LARP1: variants seen among roughly 807,000 people sequenced by gnomAD.
LARP1 encodes the protein La ribonucleoprotein 1, translational regulator.
LARP1 carries 36 observed loss-of-function variants against 122.7 expected under a neutral mutation model. The ratio of observed to expected loss-of-function variants is 0.29; its 90% CI spans 0.22 to 0.39. LARP1 has a LOEUF of 0.39. Ranked by LOEUF, LARP1 falls within the 10% of genes least tolerant of loss-of-function variation. LARP1 has a pLI of 1.00. For synonymous variants in LARP1, 539 were observed against 528.7 expected (o/e 1.02, Z -0.27); for missense variants, 1,040 against 1,403.6 (o/e 0.74, Z 4.14).
At chr5:154,712,384 C>T (rs954068605), upstream of LARP1, among the ~76,000 whole-genome samples, 1 of 152,094 alleles carries the variant, frequency 6.6e-6, no homozygotes, top group Admixed American at 6.6e-5. Flanking sequence ...GCAGGAGACT[C>T]GGGTTTGGAT....
upstream of LARP1, among the ~76,000 whole-genome samples, chr5:154,709,027 T>G (rs1274733218): frequency 6.6e-6 from 1 of 152,256 alleles, no homozygotes; most frequent in Non-Finnish European, 1.5e-5. Flanking sequence ...CCACGGTGAC[T>G]CATTAATCCT....
intron 1 of LARP1, among the ~76,000 whole-genome samples, chr5:154,727,407 G>T (rs971545173): frequency 1.3e-5 from 2 of 152,116 alleles, no homozygotes; most frequent in African/African-American, 2.4e-5. Context: ...ACAAGGGAAC[G>T]ATATGTTTAA....
At chr5:154,723,765 T>C (rs540033382) in intron 1 of LARP1, among the ~76,000 whole-genome samples, 1 of 152,308 alleles carries the variant, frequency 6.6e-6, no homozygotes, top group African/African-American at 2.4e-5. Flanking sequence ...TATGCCAGAA[T>C]TGAAACCCAG....
At chr5:154,720,981 C>T (rs1434326447) in intron 1 of LARP1, among the ~76,000 whole-genome samples, 1 of 151,842 alleles carries the variant, frequency 6.6e-6, no homozygotes, top group Non-Finnish European at 1.5e-5. Flanking sequence ...TCTGCTTCAG[C>T]TTGAGAAGGT....
At chr5:154,693,792 C>G (rs973702813) in intron 1 of LARP1, among the ~76,000 whole-genome samples, 3 of 150,690 alleles carry the variant, frequency 2.0e-5, no homozygotes, top group Non-Finnish European at 4.4e-5. Flanking sequence ...AGAGGCGGAG[C>G]TTGCAGTGAG....
chr5:154,704,157 A>G (rs941253111), intron 1 of LARP1, among the ~76,000 whole-genome samples: 14 of 152,332 alleles, frequency 9.2e-5, no homozygotes, highest in African/African-American at 3.4e-4. Flanking sequence ...AACAAGCTGC[A>G]CTTTTTTTCT....
intron 1 of LARP1, among the ~76,000 whole-genome samples, chr5:154,728,364 G>T (rs536297760): frequency 6.6e-6 from 1 of 152,214 alleles, no homozygotes; most frequent in Non-Finnish European, 1.5e-5. Flanking sequence ...TCAAGAGATA[G>T]AGTCCATTTT....
chr5:154,774,234 A>T (rs1175218769), intron 1 of LARP1, among the ~76,000 whole-genome samples: 1 of 152,070 alleles, frequency 6.6e-6, no homozygotes, highest in African/African-American at 2.4e-5. Flanking sequence ...AGTACTGATG[A>T]TTGGGGGTTT....
intron 1 of LARP1, among the ~76,000 whole-genome samples, chr5:154,707,748 T>A (rs373712226): frequency 6.6e-6 from 1 of 152,128 alleles, no homozygotes; most frequent in Non-Finnish European, 1.5e-5. Flanking sequence ...ACGGTCCCAT[T>A]TGGGGGTGAT....
In LARP1 at chr5:154,794,264, T is replaced by C; in HGVS notation, c.1232+2T>C. ...CAAAGACTACATCAAGCGCCAGATGTGAGTGTGCGGAAGCCTTCTTACCCT... is the reference window on the plus strand; with the variant it reads ...CAAAGACTACATCAAGCGCCAGATGCGAGTGTGCGGAAGCCTTCTTACCCT... On this transcript the variant is annotated splice_donor_variant, in intron 7 of 18. Coordinates refer to ENST00000518297, the MANE Select transcript of LARP1 (RefSeq NM_033551.3). LOFTEE classifies it high-confidence loss of function. The C allele has an allele frequency of 6.2e-7, 1 of 1,613,730 alleles. No individual in the cohort carries two copies. The highest frequency in any genetic ancestry group is 8.5e-7 in the Non-Finnish European group (1 of 1,179,668).
chr5:154,794,011 C>A lies in LARP1; in HGVS notation c.1069+11C>A, dbSNP rs749759667. 2.3e-5 allele frequency: 37 copies of A among 1,607,964 alleles called. No individual in the cohort carries two copies. The Admixed American group carries it at 3.5e-4, about 15-fold the overall frequency. Reference sequence around the variant, plus strand: ...GGGGTGGCACTCGAAGTACGTGAGGCCCCTTTGGGCTCCGGGATGTCCAAG... The same window carrying A: ...GGGGTGGCACTCGAAGTACGTGAGGACCCTTTGGGCTCCGGGATGTCCAAG... On this transcript the variant is annotated intron_variant, in intron 6 of 18. Coordinates refer to ENST00000518297, the MANE Select transcript of LARP1 (RefSeq NM_033551.3).
At position 154,808,717 on chromosome 5, in the gene LARP1, A is replaced by G. The variant is rs1432043846; in HGVS notation, c.2843+114A>G. On this transcript the variant is annotated intron_variant, in intron 16 of 18. Transcript: ENST00000518297. ...ATTCCTTGCATGTGTATGTTCATTC[A>G]TATACTTGATGAAAAATTTGTTTTT... The G allele has an allele frequency of 5.7e-6, 6 of 1,061,132 alleles. No individual in the cohort carries two copies. In the Admixed American group the frequency reaches 9.3e-5, roughly 16 times the overall value. 65.7% of individuals were successfully genotyped at this position (1,061,132 alleles called of 1,614,324 possible).
At chr5:154,737,436 CTTTTTTTTT>C (rs10526758) in intron 1 of LARP1, among the ~76,000 whole-genome samples, 2 of 95,304 alleles carry the variant, frequency 2.1e-5, no homozygotes, top group African/African-American at 8.9e-5. Flanking sequence ...GAATTTTTCT[CTTTTTTTTT>C]TTTTTTTTTT....
At chr5:154,808,647 G>A in intron 16 of LARP1, 44 bp downstream of exon 16, 2 of 1,573,384 alleles carry the variant, frequency 1.3e-6, no homozygotes, top group African/African-American at 1.4e-5. Context: ...GCTTAGGGAT[G>A]ATGTGGGATC....
chr5:154,685,896 G>A (rs1341178378), intron 1 of LARP1: 1 of 491,760 alleles, frequency 2.0e-6, no homozygotes, highest in South Asian at 1.5e-5. Flanking sequence ...CTAAGTGGGA[G>A]CCCTACTGCT....
At chr5:154,762,390 A>AT (rs1358752658) in intron 1 of LARP1, among the ~76,000 whole-genome samples, 1 of 152,176 alleles carries the variant, frequency 6.6e-6, no homozygotes, top group African/African-American at 2.4e-5. Flanking sequence ...AACTGAGTGG[A>AT]TAATCAGGAG....
intron 1 of LARP1, among the ~76,000 whole-genome samples, chr5:154,725,794 C>T (rs1049425789): frequency 1.4e-4 from 21 of 152,074 alleles, no homozygotes; most frequent in African/African-American, 4.8e-4. Flanking sequence ...AATTGGATTT[C>T]AGGATCTACC....
rs1582356400 is a variant in LARP1 at position 154,771,260 on chromosome 5, C to T, written c.436+15067C>T. Among the ~76,000 whole-genome samples the T allele has an allele frequency of 3.3e-5, 5 of 152,256 alleles. No homozygotes were observed. In the South Asian group the frequency reaches 8.3e-4, roughly 25 times the overall value. Reference sequence around the variant, plus strand: ...CTTGCCTTGGTGAGGACAGATGCCCCAGGAACCCAGGCCGGAGTTCCTGGA... The same window carrying T: ...CTTGCCTTGGTGAGGACAGATGCCCTAGGAACCCAGGCCGGAGTTCCTGGA... On this transcript the variant is annotated intron_variant, in intron 1 of 18. Coordinates refer to ENST00000518297, the MANE Select transcript of LARP1 (RefSeq NM_033551.3).
intron 14 of LARP1, 98 bp from the exon 15 acceptor site, chr5:154,805,783 A>C: frequency 7.7e-7 from 1 of 1,300,514 alleles, no homozygotes; most frequent in Non-Finnish European, 1.1e-6. Flanking sequence ...CTGTGAGAGG[A>C]TGGATCTTGG....
Sources: allele counts gnomAD v4.1 joint callset (sites outside exome capture counted in the v4.1 genomes callset), GRCh38; gene constraint gnomAD v4.1.1; transcripts MANE v1.5; gene names NCBI Gene and HGNC (gene_info 2026-07-23, HGNC 2026-07-21).